The following PLEKHA7 variants were observed in gnomAD, a reference collection of about 807,000 sequenced individuals.
The protein encoded by PLEKHA7 is pleckstrin homology domain containing A7.
A neutral mutation model predicts 170.0 loss-of-function variants in PLEKHA7; 104 were observed. That is an observed-to-expected ratio of 0.61 (90% CI 0.52 to 0.72). The LOEUF (loss-of-function observed/expected upper bound fraction) is 0.72. Ranked by LOEUF, PLEKHA7 falls within the 30% of genes least tolerant of loss-of-function variation. The probability of loss-of-function intolerance (pLI) is 0.00; values close to 1 mark genes in which losing one functional copy is unlikely to be tolerated. For missense variants in PLEKHA7, 1,615 were observed against 1,671.7 expected (o/e 0.97, Z 0.59); for synonymous variants, 648 against 660.8 (o/e 0.98, Z 0.30).
intron 3 of PLEKHA7, among the ~76,000 whole-genome samples, chr11:16,930,054 G>A (rs1302918131): frequency 6.6e-6 from 1 of 152,060 alleles, no homozygotes; most frequent in Non-Finnish European, 1.5e-5. Flanking sequence ...GGATATTTTG[G>A]GGAGCAGGGA....
Position 16,889,400 on chromosome 11 carries a change from C to CA in PLEKHA7, c.222-18219dup, listed in dbSNP as rs869268116. On this transcript the variant is annotated intron_variant, in intron 3 of 26. Transcript: ENST00000531066. ...CAGGTGAATTAAAAGCTTTATTGCTCAAAAAAAAAAAAAAAAAAAAATATA... is the reference window on the plus strand; with the variant it reads ...CAGGTGAATTAAAAGCTTTATTGCTCAAAAAAAAAAAAAAAAAAAAAATATA... Among the ~76,000 whole-genome samples, 449 of 52,710 alleles carry CA rather than the reference C, an allele frequency of 8.5e-3. 12 individuals carry two copies. Among genetic ancestry groups the CA allele is most frequent in the South Asian group, 0.019 (32 of 1,652 alleles). 34.6% of individuals were successfully genotyped at this position (52,710 alleles called of 152,430 possible).
At chr11:16,980,202 T>A (rs768618481) in intron 3 of PLEKHA7, among the ~76,000 whole-genome samples, 1 of 152,154 alleles carries the variant, frequency 6.6e-6, no homozygotes, top group African/African-American at 2.4e-5. Context: ...AGAATCACAA[T>A]AGCAAGAACA....
chr11:16,807,093 C>G, intron 13 of PLEKHA7: 2 of 891,980 alleles, frequency 2.2e-6, no homozygotes, highest in Non-Finnish European at 2.7e-6. Flanking sequence ...CGGCACCGAG[C>G]CAGAAGCAAT....
intron 3 of PLEKHA7, among the ~76,000 whole-genome samples, chr11:16,958,428 A>G (rs1861841577): frequency 6.6e-6 from 1 of 152,228 alleles, no homozygotes; most frequent in Admixed American, 6.5e-5. Context: ...ATATCTGTGT[A>G]TGCATGATTC....
At chr11:16,847,198 G>C (rs1479873496) in intron 8 of PLEKHA7, among the ~76,000 whole-genome samples, 1 of 143,128 alleles carries the variant, frequency 7.0e-6, no homozygotes, top group Non-Finnish European at 1.5e-5. Flanking sequence ...CCCGGTTCAT[G>C]CCATTCTCCT....
intron 4 of PLEKHA7, among the ~76,000 whole-genome samples, chr11:16,863,288 C>T (rs954416842): frequency 3.3e-5 from 5 of 152,190 alleles, no homozygotes; most frequent in African/African-American, 7.2e-5. Context: ...CTCCAAACAC[C>T]GCTCACAACA....
intron 6 of PLEKHA7, 66 bp downstream of exon 6, chr11:16,854,823 C>T (rs757273199): frequency 8.0e-5 from 113 of 1,416,748 alleles, no homozygotes; most frequent in Admixed American, 2.0e-4. Context: ...CTTCCTGGTG[C>T]CTGGGAAAGG....
At chr11:16,879,202 T>C (rs1855529411) in intron 3 of PLEKHA7, among the ~76,000 whole-genome samples, 2 of 152,228 alleles carry the variant, frequency 1.3e-5, no homozygotes, top group Non-Finnish European at 2.9e-5. Context: ...GCTTATTTCA[T>C]GTGTGTTTGT....
chr11:16,795,115 G>A, intron 17 of PLEKHA7, 97 bp from the exon 18 acceptor site: 1 of 870,708 alleles, frequency 1.1e-6, no homozygotes, highest in Non-Finnish European at 1.9e-6. Context: ...CCCGCCCTGA[G>A]GGGCAGCATC....
intron 3 of PLEKHA7, chr11:16,881,556 G>A (rs181221782): frequency 6.6e-6 from 1 of 152,340 alleles, no homozygotes; most frequent in East Asian, 1.9e-4. Flanking sequence ...GTGGCCAAGG[G>A]GAGCAGTGGC....
chr11:16,950,291 T>C (rs1861321883), intron 3 of PLEKHA7, among the ~76,000 whole-genome samples: 1 of 152,074 alleles, frequency 6.6e-6, no homozygotes, highest in African/African-American at 2.4e-5. Context: ...TAAGGCATAC[T>C]AGCCTTCAAA....
chr11:16,972,187 A>T (rs559223432), intron 3 of PLEKHA7, among the ~76,000 whole-genome samples: 1 of 152,172 alleles, frequency 6.6e-6, no homozygotes, highest in East Asian at 1.9e-4. Flanking sequence ...CAGTGGCATG[A>T]TCCTAACTCA....
intron 26 of PLEKHA7, chr11:16,780,930 A>C (rs1848975096): frequency 1.1e-6 from 1 of 947,560 alleles, no homozygotes; most frequent in East Asian, 1.2e-4. Flanking sequence ...CACACCAGAC[A>C]GGGGCTCTTA....
At chr11:16,813,038 G>A in intron 13 of PLEKHA7, 75 bp downstream of exon 13, 2 of 1,354,302 alleles carry the variant, frequency 1.5e-6, no homozygotes, top group South Asian at 2.4e-5. Flanking sequence ...CTTTGGCTTT[G>A]GGCTTGGCTC....
At chr11:16,966,544 G>A (rs766193464) in intron 3 of PLEKHA7, among the ~76,000 whole-genome samples, 1 of 152,062 alleles carries the variant, frequency 6.6e-6, no homozygotes, top group African/African-American at 2.4e-5. Flanking sequence ...ACTAGCCAGG[G>A]TGCACAAGTA....
intron 3 of PLEKHA7, among the ~76,000 whole-genome samples, chr11:16,983,530 G>A (rs1348479267): frequency 6.6e-6 from 1 of 152,146 alleles, no homozygotes; most frequent in Non-Finnish European, 1.5e-5. Flanking sequence ...CAACCAGATA[G>A]GAAAAGCAGA....
chr11:16,778,712 T>G lies in PLEKHA7; in HGVS notation c.*286A>C. 2 of 483,092 alleles carry G rather than the reference T, an allele frequency of 4.1e-6. No homozygotes were observed. Among genetic ancestry groups the G allele is most frequent in the Non-Finnish European group, 7.6e-6 (2 of 264,292 alleles). The allele number at this position is 483,092 out of a possible 1,614,324, so 29.9% of individuals were successfully genotyped here. A position where few individuals can be genotyped will look rare whatever the true frequency, so the allele number is the denominator to read the frequency against. On this transcript the variant is annotated 3_prime_UTR_variant, in exon 27 of 27. Coordinates refer to ENST00000531066, the MANE Select transcript of PLEKHA7 (RefSeq NM_001329630.2). ...CTCAACCTTCCTGCCACTCAGCCCT[T>G]GAGGGGAACATTAGAAAATAGATTC...
intron 19 of PLEKHA7, among the ~76,000 whole-genome samples, chr11:16,792,280 G>A (rs969911678): frequency 2.0e-5 from 3 of 152,122 alleles, no homozygotes; most frequent in African/African-American, 7.2e-5. Flanking sequence ...GTGGGAAGGA[G>A]ACATGTTATT....
chr11:16,801,136 C>G (rs75163301), intron 16 of PLEKHA7, 61 bp from the exon 17 acceptor site: 142,661 of 1,423,062 alleles, frequency 0.1, 7,756 homozygotes, highest in Non-Finnish European at 0.11. Flanking sequence ...GAAGGCCTCA[C>G]GAACACCTGT....
Sources: gnomAD v4.1 joint callset for allele counts (sites outside exome capture counted in the v4.1 genomes callset) on GRCh38, gnomAD v4.1.1 for gene constraint, MANE v1.5 for transcripts, NCBI Gene and HGNC (gene_info 2026-07-23, HGNC 2026-07-21) for gene names.